The following DGKI variants were observed in gnomAD, a reference collection of about 807,000 sequenced individuals.
DGKI encodes diacylglycerol kinase iota, also known as DAG kinase iota.
Under a neutral mutation model 147.5 loss-of-function variants are expected in DGKI, and 55 were observed. The ratio of observed to expected loss-of-function variants is 0.37; its 90% confidence interval spans 0.30 to 0.47. DGKI has a LOEUF of 0.47. Among genes scored for constraint, DGKI ranks in the 20% least tolerant of loss-of-function variants. The pLI, the probability that DGKI is intolerant of heterozygous loss-of-function variation, is 1.00. For synonymous variants in DGKI, 469 were observed against 477.1 expected (o/e 0.98, Z 0.22); for missense variants, 1,007 against 1,323.8 (o/e 0.76, Z 3.71).
chr7:137,722,235 A>G, intron 1 of DGKI: 1 of 1,602,334 alleles, frequency 6.2e-7, no homozygotes, highest in Non-Finnish European at 8.5e-7. Flanking sequence ...TTGAAAAGAA[A>G]AAGAAGGAGA....
chr7:137,717,804 G>C (rs925290506), intron 1 of DGKI, among the ~76,000 whole-genome samples: 1 of 152,160 alleles, frequency 6.6e-6, no homozygotes, highest in African/African-American at 2.4e-5. Flanking sequence ...GGCTTCTTAC[G>C]TAAAAAGCCA....
intron 20 of DGKI, among the ~76,000 whole-genome samples, chr7:137,531,833 T>C (rs774870198): frequency 2.0e-4 from 31 of 152,188 alleles, no homozygotes; most frequent in Admixed American, 3.9e-4. Flanking sequence ...ACACTTGTGG[T>C]CTTTCATACC....
At chr7:137,666,365 C>G (rs1822640649) in intron 3 of DGKI, among the ~76,000 whole-genome samples, 1 of 152,148 alleles carries the variant, frequency 6.6e-6, no homozygotes, top group Admixed American at 6.5e-5. Context: ...ATCACATCGC[C>G]ACATTCCAAC....
At chr7:137,427,655 A>T (rs1175365954) in intron 28 of DGKI, among the ~76,000 whole-genome samples, 2 of 151,988 alleles carry the variant, frequency 1.3e-5, no homozygotes, top group African/African-American at 4.8e-5. Context: ...GACCACTAGC[A>T]AGACTAATAA....
At chr7:137,621,270 T>C (rs965731954) in intron 7 of DGKI, among the ~76,000 whole-genome samples, 8 of 152,352 alleles carry the variant, frequency 5.3e-5, no homozygotes, top group Admixed American at 3.9e-4. Context: ...AAATTGCTTT[T>C]TTTTCTTGGC....
At chr7:137,467,157 T>C (rs1585141844) in intron 24 of DGKI, among the ~76,000 whole-genome samples, 1 of 152,226 alleles carries the variant, frequency 6.6e-6, no homozygotes, top group Admixed American at 6.5e-5. Flanking sequence ...GCCTCTGCCA[T>C]CTAAATCATA....
chr7:137,835,576 C>T (rs1798352335), intron 1 of DGKI, among the ~76,000 whole-genome samples: 1 of 152,126 alleles, frequency 6.6e-6, no homozygotes, highest in Admixed American at 6.5e-5. Context: ...CTATCTCTAC[C>T]TGTTTTTTTT....
At chr7:137,412,067 G>A in intron 29 of DGKI, 103 bp downstream of exon 29, 1 of 1,133,452 alleles carries the variant, frequency 8.8e-7, no homozygotes, top group Non-Finnish European at 1.3e-6. Flanking sequence ...AGTGCAAGCA[G>A]GGGATGATAA....
chr7:137,457,924 TA>T (rs11326069), intron 27 of DGKI, among the ~76,000 whole-genome samples: 6,068 of 146,678 alleles, frequency 0.041, 287 homozygotes, highest in East Asian at 0.12. Context: ...AAGTTAAATC[TA>T]AAAAAAAAAG....
At chr7:137,459,440 T>C (rs1814333121) in intron 27 of DGKI, among the ~76,000 whole-genome samples, 1 of 151,878 alleles carries the variant, frequency 6.6e-6, no homozygotes, top group Non-Finnish European at 1.5e-5. Flanking sequence ...CAGAATTTTG[T>C]TTTATTTATC....
intron 5 of DGKI, among the ~76,000 whole-genome samples, chr7:137,647,126 CTTG>C (rs1469814427): frequency 6.6e-6 from 1 of 152,190 alleles, no homozygotes; most frequent in Admixed American, 6.5e-5. Context: ...ATAGCTAACA[CTTG>C]TTGAGTACTG....
At chr7:137,813,419 A>G (rs1000594339) in intron 1 of DGKI, among the ~76,000 whole-genome samples, 1 of 152,194 alleles carries the variant, frequency 6.6e-6, no homozygotes, top group African/African-American at 2.4e-5. Flanking sequence ...AGAAAGAATG[A>G]AAGTGACCAT....
chr7:137,764,718 A>T (rs1485027444), intron 1 of DGKI, among the ~76,000 whole-genome samples: 2 of 152,046 alleles, frequency 1.3e-5, no homozygotes, highest in African/African-American at 4.8e-5. Context: ...CCTGGCTTTC[A>T]CTCTGAATGT....
chr7:137,430,261 G>A lies in DGKI; in HGVS notation c.2761+13816C>T, dbSNP rs1183116775. On this transcript the variant is annotated intron_variant, in intron 28 of 32. Coordinates refer to ENST00000614521, the MANE Select transcript of DGKI (RefSeq NM_001321708.2). ...AAGTTCATGTCCTTTGTAGGAACAT[G>A]GATGAAATTGGAAATCATCATTCTC... Among the ~76,000 whole-genome samples, 18 of 151,808 alleles carry A rather than the reference G, an allele frequency of 1.2e-4. No homozygotes were observed. The East Asian group carries it at 3.3e-3, about 28-fold the overall frequency.
At chr7:137,536,326 G>T (rs1817519471) in intron 20 of DGKI, among the ~76,000 whole-genome samples, 1 of 152,110 alleles carries the variant, frequency 6.6e-6, no homozygotes, top group African/African-American at 2.4e-5. Context: ...GAAGTTAGTA[G>T]GGTGTTAAAT....
At chr7:137,418,047 G>T (rs1585094225) in intron 28 of DGKI, among the ~76,000 whole-genome samples, 1 of 152,204 alleles carries the variant, frequency 6.6e-6, no homozygotes, top group East Asian at 1.9e-4. Flanking sequence ...CCCCGTTTGA[G>T]GCAGTAAGAA....
chr7:137,574,298 T>C (rs1331244859), intron 17 of DGKI, among the ~76,000 whole-genome samples: 1 of 152,232 alleles, frequency 6.6e-6, no homozygotes, highest in Non-Finnish European at 1.5e-5. Flanking sequence ...TTTCTAGTAC[T>C]CTCAACTACT....
chr7:137,657,579 G>C (rs546502975), intron 3 of DGKI, among the ~76,000 whole-genome samples: 1 of 152,190 alleles, frequency 6.6e-6, no homozygotes, highest in African/African-American at 2.4e-5. Context: ...GGATTTGTAT[G>C]AATAATTTCT....
chr7:137,640,427 G>A (rs1485282203), intron 6 of DGKI, among the ~76,000 whole-genome samples: 12 of 152,076 alleles, frequency 7.9e-5, no homozygotes, highest in Non-Finnish European at 1.5e-4. Flanking sequence ...CCCTTGTACT[G>A]CCCTCTCTCT....
Sources: gnomAD v4.1 joint callset for allele counts (sites outside exome capture counted in the v4.1 genomes callset) on GRCh38, gnomAD v4.1.1 for gene constraint, MANE v1.5 for transcripts, NCBI Gene and HGNC (gene_info 2026-07-23, HGNC 2026-07-21) for gene names.